PRKAR2A: variants seen among roughly 807,000 people sequenced by gnomAD.
PRKAR2A encodes cAMP-dependent protein kinase type II-alpha regulatory subunit.
Under a neutral mutation model 51.9 loss-of-function variants are expected in PRKAR2A, and 29 were observed. The observed-to-expected ratio is 0.56, with a 90% confidence interval of 0.42 to 0.76. The LOEUF (loss-of-function observed/expected upper bound fraction) is 0.76. PRKAR2A is among the 30% of genes least tolerant of loss of function. The probability of loss-of-function intolerance (pLI) is 0.00; values close to 1 mark genes in which losing one functional copy is unlikely to be tolerated. For missense variants in PRKAR2A, 445 were observed against 512.1 expected (o/e 0.87, Z 1.26); for synonymous variants, 178 against 186.2 (o/e 0.96, Z 0.36).
intron 1 of PRKAR2A, among the ~76,000 whole-genome samples, chr3:48,829,840 C>CGTGT (rs1256218451): frequency 0.014 from 890 of 62,516 alleles, 26 homozygotes; most frequent in African/African-American, 0.042. Context: ...CATATATATG[C>CGTGT]GTGTGTGTAT....
chr3:48,768,058 G>A (rs2081966863), intron 6 of PRKAR2A, among the ~76,000 whole-genome samples: 1 of 152,018 alleles, frequency 6.6e-6, no homozygotes, highest in Admixed American at 6.6e-5. Flanking sequence ...AGGCTGAGGT[G>A]GGGAGGTGGG....
Position 48,765,273 on chromosome 3 carries a change from G to C in PRKAR2A, c.773C>G (p.Ser258Cys), listed in dbSNP as rs1300953461. The change falls in exon 7 of 11, where the codon TCT (serine) becomes TGT (cysteine). Residue 258 changes from serine to cysteine, a missense_variant. Physicochemically the swap from Ser to Cys is moderately radical, Grantham distance 112. Transcript: ENST00000265563. Reference sequence around the variant, plus strand: ...CTCTAGTGATTTAAGGAGGGGCACAGACTCAATAAATGATTCAAACATCTT... The same window carrying C: ...CTCTAGTGATTTAAGGAGGGGCACACACTCAATAAATGATTCAAACATCTT... The part of the protein sequence containing the change: ...KRKMFESFIE[S>C]VPLLKSLEVS... 1 of 1,611,896 alleles carries C rather than the reference G, an allele frequency of 6.2e-7. No homozygotes were observed. Among genetic ancestry groups the C allele is most frequent in the Non-Finnish European group, 8.5e-7 (1 of 1,178,642 alleles).
chr3:48,760,169 C>A (rs1164896691), intron 8 of PRKAR2A, among the ~76,000 whole-genome samples: 2 of 152,038 alleles, frequency 1.3e-5, no homozygotes, highest in Non-Finnish European at 2.9e-5. Context: ...GCATGGCCAA[C>A]AGGCAAAAAC....
In PRKAR2A at chr3:48,844,499, A is replaced by G. The variant is rs549237465; in HGVS notation, c.262+2836T>C. 3.3e-5 allele frequency among the ~76,000 whole-genome samples: 5 copies of G among 151,752 alleles called. No individual in the cohort carries two copies. In the East Asian group the frequency reaches 9.7e-4, roughly 29 times the overall value. On this transcript the variant is annotated intron_variant, in intron 1 of 10. Transcript: ENST00000265563. ...ATCCCATTACTGGGTATATACCCAAAGGACTATAAATCATGCTGCTATAAA... is the reference window on the plus strand; with the variant it reads ...ATCCCATTACTGGGTATATACCCAAGGGACTATAAATCATGCTGCTATAAA...
At chr3:48,769,157 C>CTTTTTTTTTTTTTTTT (rs200382765) in intron 6 of PRKAR2A, among the ~76,000 whole-genome samples, 1 of 136,282 alleles carries the variant, frequency 7.3e-6, no homozygotes, top group Non-Finnish European at 1.5e-5. Flanking sequence ...AAATATCTTT[C>CTTTTTTTTTTTTTTTT]TTTTTTTTTT....
chr3:48,836,389 C>A (rs1318928147), intron 1 of PRKAR2A, among the ~76,000 whole-genome samples: 1 of 128,304 alleles, frequency 7.8e-6, no homozygotes, highest in Non-Finnish European at 1.6e-5. Context: ...ATTGTGCACT[C>A]CAGCCTGGGC....
At chr3:48,762,620 G>A (rs1294481580) in intron 8 of PRKAR2A, among the ~76,000 whole-genome samples, 1 of 151,986 alleles carries the variant, frequency 6.6e-6, no homozygotes, top group African/African-American at 2.4e-5. Context: ...GGGCAACAGG[G>A]CAAGACTGTA....
Position 48,750,043 on chromosome 3 carries a change from C to T in PRKAR2A, c.*1542G>A, listed in dbSNP as rs974727603. ...CTAAGTATTTGGGACTACATGCATG[C>T]ATCACCACACCTGACAAATTAAAAA... On this transcript the variant is annotated 3_prime_UTR_variant, in exon 11 of 11. Transcript: ENST00000265563. The T allele has an allele frequency of 6.6e-6, 1 of 151,858 alleles. No homozygotes were observed. The highest frequency in any genetic ancestry group is 1.5e-5 in the Non-Finnish European group (1 of 68,002). 9.4% of individuals were successfully genotyped at this position (151,858 alleles called of 1,614,324 possible).
chr3:48,806,427 A>G (rs924319866), intron 2 of PRKAR2A, among the ~76,000 whole-genome samples: 2 of 152,178 alleles, frequency 1.3e-5, no homozygotes, highest in Non-Finnish European at 2.9e-5. Context: ...TTCATAAAAT[A>G]TATTTACCAG....
chr3:48,809,841 T>C (rs1354371502), intron 1 of PRKAR2A, among the ~76,000 whole-genome samples: 1 of 152,112 alleles, frequency 6.6e-6, no homozygotes. Flanking sequence ...GTAGGCTTCA[T>C]CTCACATAGC....
intron 2 of PRKAR2A, among the ~76,000 whole-genome samples, chr3:48,805,655 T>C (rs1278734513): frequency 6.6e-6 from 1 of 152,186 alleles, no homozygotes; most frequent in Non-Finnish European, 1.5e-5. Flanking sequence ...TATTCAACAA[T>C]ACAAGGAAGG....
At chr3:48,838,794 C>T (rs1165816719) in intron 1 of PRKAR2A, among the ~76,000 whole-genome samples, 2 of 149,984 alleles carry the variant, frequency 1.3e-5, no homozygotes, top group Non-Finnish European at 3.0e-5. Context: ...CCGGCTAACA[C>T]GGTGAAACCC....
chr3:48,828,695 G>A (rs1419169707), intron 1 of PRKAR2A, among the ~76,000 whole-genome samples: 1 of 111,512 alleles, frequency 9.0e-6, no homozygotes, highest in African/African-American at 3.7e-5. Flanking sequence ...GCAACAGAGC[G>A]AGCCCCTGTC....
chr3:48,817,512 G>C (rs1420033982), intron 1 of PRKAR2A, among the ~76,000 whole-genome samples: 1 of 150,440 alleles, frequency 6.6e-6, no homozygotes, highest in African/African-American at 2.4e-5. Context: ...AATTAGCCAG[G>C]CATTTTGGCG....
chr3:48,825,565 A>C (rs934180467), intron 1 of PRKAR2A, among the ~76,000 whole-genome samples: 1 of 151,906 alleles, frequency 6.6e-6, no homozygotes, highest in African/African-American at 2.4e-5. Context: ...AATTGCTTGA[A>C]CCTGGGAGGC....
intron 2 of PRKAR2A, among the ~76,000 whole-genome samples, chr3:48,806,987 G>T (rs1198017504): frequency 6.6e-6 from 1 of 152,006 alleles, no homozygotes; most frequent in East Asian, 1.9e-4. Context: ...TAGCCAGACT[G>T]GTCTCAAACT....
chr3:48,768,401 A>G (rs2081975103), intron 6 of PRKAR2A, among the ~76,000 whole-genome samples: 1 of 152,016 alleles, frequency 6.6e-6, no homozygotes, highest in African/African-American at 2.4e-5. Context: ...AGATACATAG[A>G]TAGATAAAAT....
intron 2 of PRKAR2A, 113 bp downstream of exon 2, chr3:48,807,536 T>C: frequency 2.3e-6 from 2 of 869,832 alleles, no homozygotes; most frequent in East Asian, 2.6e-5. Flanking sequence ...ATTTTACTTT[T>C]AGATAATGTT....
chr3:48,802,806 C>A (rs1378626318), intron 2 of PRKAR2A, among the ~76,000 whole-genome samples: 1 of 151,842 alleles, frequency 6.6e-6, no homozygotes, highest in African/African-American at 2.4e-5. Context: ...CAACAACAGT[C>A]AAAAAAAAGT....
Sources: gnomAD v4.1 joint callset for allele counts (sites outside exome capture counted in the v4.1 genomes callset) on GRCh38, gnomAD v4.1.1 for gene constraint, MANE v1.5 for transcripts, NCBI Gene and HGNC (gene_info 2026-07-23, HGNC 2026-07-21) for gene names.